Variants in CEP78 observed in about 807,000 individuals in gnomAD.
The protein encoded by CEP78 is centrosomal protein of 78 kDa.
A neutral mutation model predicts 81.2 loss-of-function variants in CEP78; 76 were observed. That is an observed-to-expected ratio of 0.94 (90% CI 0.78 to 1.13). The LOEUF (loss-of-function observed/expected upper bound fraction) is 1.13. Ranked by LOEUF, CEP78 falls within the 50% of genes most tolerant of loss-of-function variation. The pLI, the probability that CEP78 is intolerant of heterozygous loss-of-function variation, is 0.00. For missense variants in CEP78, 918 were observed against 846.8 expected, an observed-to-expected ratio of 1.08 and a Z score of -1.04; for synonymous variants, 293 against 301.4, an observed-to-expected ratio of 0.97 and a Z score of 0.29.
Position 78,274,870 on chromosome 9 carries a change from A to C in CEP78, c.*4019A>C, listed in dbSNP as rs992924236. 1 of 152,220 alleles carries C rather than the reference A, an allele frequency of 6.6e-6. No homozygotes were observed. Among genetic ancestry groups the C allele is most frequent in the Non-Finnish European group, 1.5e-5 (1 of 68,024 alleles). The allele number at this position is 152,220 out of a possible 1,614,324, so 9.4% of individuals were successfully genotyped here. A position where few individuals can be genotyped will look rare whatever the true frequency, so the allele number is the denominator to read the frequency against. On this transcript the variant is annotated 3_prime_UTR_variant, in exon 17 of 17. Transcript: ENST00000643273. ...GAGGAAATTGTATAGATTTTGATTTACTTTCCAGGAAGAAAGAAGACAAAA... is the reference window on the plus strand; with the variant it reads ...GAGGAAATTGTATAGATTTTGATTTCCTTTCCAGGAAGAAAGAAGACAAAA...
chr9:78,252,003 T>C lies in CEP78; in HGVS notation c.1165T>C (p.Phe389Leu), dbSNP rs764314735. The C allele has an allele frequency of 3.7e-5, 59 of 1,605,544 alleles. No homozygotes were observed. The Middle Eastern group carries it at 6.6e-4, about 18-fold the overall frequency. ...PAPLPPGVSG[F>L]LPWRTAERAK... ...ACCTCTTCCACCTGGTGTGTCTGGT[T>C]TCTTGCCGTGGCGTACTGCAGAACG... Residue 389 changes from phenylalanine to leucine, a missense_variant, in exon 9 of 17, where the codon TTC becomes CTC. By Grantham distance (22) the Phe-to-Leu change is conservative (BLOSUM62 0). Coordinates refer to ENST00000643273, the MANE Select transcript of CEP78 (RefSeq NM_001330691.3).
chr9:78,264,970 G>C (rs11137580), intron 13 of CEP78, among the ~76,000 whole-genome samples: 27 of 152,270 alleles, frequency 1.8e-4, no homozygotes, highest in South Asian at 1.2e-3. Context: ...TGAACGGTTT[G>C]GTGAGGAAAG....
At chr9:78,256,825 G>A (rs1460333005) in intron 11 of CEP78, among the ~76,000 whole-genome samples, 2 of 152,064 alleles carry the variant, frequency 1.3e-5, no homozygotes, top group East Asian at 1.9e-4. Flanking sequence ...ACATCCTTAG[G>A]TTTGTTAAGC....
chr9:78,247,596 T>G (rs1826554784), intron 6 of CEP78, among the ~76,000 whole-genome samples: 1 of 152,092 alleles, frequency 6.6e-6, no homozygotes, highest in Non-Finnish European at 1.5e-5. Context: ...CTGAAAACCA[T>G]GGGAGGATTT....
chr9:78,271,139 C>A lies in CEP78; in HGVS notation c.*288C>A. The A allele has an allele frequency of 3.2e-6, 1 of 307,786 alleles. No homozygotes were observed. The allele number at this position is 307,786 out of a possible 1,614,324, so 19.1% of individuals were successfully genotyped here. A position where few individuals can be genotyped will look rare whatever the true frequency, so the allele number is the denominator to read the frequency against. On this transcript the variant is annotated 3_prime_UTR_variant, in exon 17 of 17. Transcript: ENST00000643273. ...GAAGAGGAACTGAAGTTAAGCTGCC[C>A]ACATGATCTCTCTAACTATGATGAC...
intron 15 of CEP78, 115 bp from the exon 16 acceptor site, chr9:78,266,327 G>A (rs1827528028): frequency 1.1e-5 from 9 of 788,890 alleles, no homozygotes; most frequent in South Asian, 1.9e-5. Context: ...TATAATTAGG[G>A]CAAAAATGAC....
At position 78,240,145 on chromosome 9, in the gene CEP78, G is replaced by GA. The variant is rs779337546; in HGVS notation, c.377dup (p.Leu127AlafsTer20). 3.1e-6 allele frequency: 5 copies of GA among 1,593,616 alleles called. No individual in the cohort carries two copies. The African/African-American group carries it at 6.8e-5, about 22-fold the overall frequency. ...TATATCAAGTGTGCTAAAGAACCTGGAGCTAAATGGACTAATTCTGAGAGA... is the reference window on the plus strand; with the variant it reads ...TATATCAAGTGTGCTAAAGAACCTGGAAGCTAAATGGACTAATTCTGAGAGA... On this transcript the variant is annotated frameshift_variant, in exon 2 of 17. Coordinates refer to ENST00000643273, the MANE Select transcript of CEP78 (RefSeq NM_001330691.3). LOFTEE classifies it high-confidence loss of function.
rs887687984 is a variant in CEP78, at chr9:78,240,065, T to C, written c.296T>C (p.Ile99Thr). ...NKFCRSRVPA[I>T]RYKDVTFQLC... ...TTTTGCAGAAGTCGTGTTCCTGCGA[T>C]AAGATACAAAGATGTGACCTTCCAG... The change falls in exon 2 of 17, where the codon ATA becomes ACA. Residue 99 changes from isoleucine to threonine, a missense_variant. Physicochemically the swap from Ile to Thr is moderately conservative, Grantham distance 89 (BLOSUM62 -1). Coordinates refer to ENST00000643273, the MANE Select transcript of CEP78 (RefSeq NM_001330691.3). 1.3e-6 allele frequency: 2 copies of C among 1,584,110 alleles called. No homozygotes were observed. The highest frequency in any genetic ancestry group is 4.1e-5 in the Admixed American group (2 of 48,672).
intron 5 of CEP78, 138 bp downstream of exon 5, chr9:78,243,774 C>T (rs1826346377): frequency 1.7e-6 from 1 of 591,644 alleles, no homozygotes; most frequent in South Asian, 3.7e-5. Flanking sequence ...TGTTTTTAAG[C>T]CTTTATAAAA....
chr9:78,241,825 A>C lies in CEP78; in HGVS notation c.603+26A>C, dbSNP rs200560864. On this transcript the variant is annotated intron_variant, in intron 4 of 16. Transcript: ENST00000643273. ...GTAACTTTATGTTCCAACTTTCATG[A>C]AAATGTGTTATATGATTGCCACACG... 1,577 of 1,246,788 alleles carry C rather than the reference A, an allele frequency of 1.3e-3. 2 individuals carry two copies. Among genetic ancestry groups the C allele is most frequent in the Non-Finnish European group, 1.7e-3 (1,454 of 853,922 alleles). 77.2% of individuals were successfully genotyped at this position (1,246,788 alleles called of 1,614,324 possible).
chr9:78,252,084 G>T, intron 9 of CEP78, 41 bp downstream of exon 9: 3 of 1,507,104 alleles, frequency 2.0e-6, no homozygotes, highest in Non-Finnish European at 2.7e-6. Context: ...ATAAAAATGG[G>T]ATTCAAAATT....
At chr9:78,264,393 T>C (rs1193693381) in intron 13 of CEP78, 77 bp downstream of exon 13, 2 of 1,196,920 alleles carry the variant, frequency 1.7e-6, no homozygotes, top group Admixed American at 3.9e-5. Context: ...GAGCAATTTT[T>C]ATAGCTTTCT....
rs189536578 is a variant in CEP78, at chr9:78,246,263, G to A, written c.779-406G>A. On this transcript the variant is annotated intron_variant, in intron 5 of 16. Transcript: ENST00000643273. ...TGGCCATGAGTAGTCTTGGGCAGGA[G>A]TCTTCCAGGCATGAATAAGTGGGAG... is the stretch of plus-strand genomic sequence containing the variant. 2.6e-3 allele frequency among the ~76,000 whole-genome samples: 391 copies of A among 151,752 alleles called. 2 individuals carry two copies. Among genetic ancestry groups the A allele is most frequent in the African/African-American group, 8.9e-3 (365 of 41,080 alleles).
intron 1 of CEP78, 87 bp downstream of exon 1, chr9:78,236,690 G>A: frequency 6.8e-7 from 1 of 1,464,752 alleles, no homozygotes; most frequent in Non-Finnish European, 9.0e-7. Flanking sequence ...GGGTATGTGT[G>A]CAATAGAAGG....
Position 78,254,912 on chromosome 9 carries a change from A to G in CEP78, c.1328A>G (p.Glu443Gly), listed in dbSNP as rs1826944866. The change falls in exon 11 of 17, where the codon GAG (glutamate) becomes GGG (glycine). Residue 443 changes from glutamate to glycine, a missense_variant. Physicochemically the swap from Glu to Gly is moderately conservative, Grantham distance 98. Coordinates refer to ENST00000643273, the MANE Select transcript of CEP78 (RefSeq NM_001330691.3). ...SEVEEVDDSS[E>G]SVHEVPEKTS... ...GTTGAAGAGGTTGATGATTCTTCAG[A>G]GAGTGTTCATGAAGTGCCTGAGAAA... 1.2e-6 allele frequency: 2 copies of G among 1,611,200 alleles called. No homozygotes were observed. Among genetic ancestry groups the G allele is most frequent in the Non-Finnish European group, 1.7e-6 (2 of 1,177,778 alleles).
At chr9:78,254,762 C>T in intron 10 of CEP78, 74 bp from the exon 11 acceptor site, 10 of 1,215,304 alleles carry the variant, frequency 8.2e-6, no homozygotes, top group Non-Finnish European at 1.2e-5. Flanking sequence ...TCAGAAAGAT[C>T]ACTTTGATTA....
At chr9:78,250,865 G>A (rs183881578) in intron 8 of CEP78, among the ~76,000 whole-genome samples, 13 of 152,128 alleles carry the variant, frequency 8.5e-5, no homozygotes, top group African/African-American at 2.2e-4. Context: ...TTTATAAGAC[G>A]TGTATAAATT....
intron 11 of CEP78, among the ~76,000 whole-genome samples, chr9:78,262,393 A>G (rs1489177890): frequency 6.6e-6 from 1 of 152,056 alleles, no homozygotes; most frequent in Non-Finnish European, 1.5e-5. Flanking sequence ...TTTCTAATGT[A>G]AGTGTATGGT....
At chr9:78,257,197 G>T (rs1288231099) in intron 11 of CEP78, among the ~76,000 whole-genome samples, 1 of 151,622 alleles carries the variant, frequency 6.6e-6, no homozygotes, top group Non-Finnish European at 1.5e-5. Context: ...AGGAAAGAAA[G>T]AAATCCCAAG....
Sources: allele counts gnomAD v4.1 joint callset (sites outside exome capture counted in the v4.1 genomes callset), GRCh38; gene constraint gnomAD v4.1.1; transcripts MANE v1.5; gene names NCBI Gene and HGNC (gene_info 2026-07-23, HGNC 2026-07-21).